TLN2: variants seen among roughly 807,000 people sequenced by gnomAD.
TLN2 encodes talin 2, also known as talin-2.
A neutral mutation model predicts 294.7 loss-of-function variants in TLN2; 118 were observed. That is an observed-to-expected ratio of 0.40 (90% CI 0.34 to 0.47). The LOEUF (loss-of-function observed/expected upper bound fraction) is 0.47, where lower values mean the gene tolerates loss of function less well. Ranked by LOEUF, TLN2 falls within the 20% of genes least tolerant of loss-of-function variation. TLN2 has a pLI of 0.84. For missense variants in TLN2, 3,083 were observed against 3,282.2 expected (o/e 0.94, Z 1.48); for synonymous variants, 1,431 against 1,304.5 (o/e 1.10, Z -2.09).
chr15:62,499,604 C>G (rs1404172433), intron 1 of TLN2, among the ~76,000 whole-genome samples: 3 of 152,064 alleles, frequency 2.0e-5, no homozygotes, highest in Non-Finnish European at 4.4e-5. Flanking sequence ...AGCAAGGTTT[C>G]TCTTCTTTGT....
At chr15:62,705,018 C>T (rs2058967044) in intron 19 of TLN2, among the ~76,000 whole-genome samples, 1 of 152,216 alleles carries the variant, frequency 6.6e-6, no homozygotes, top group Admixed American at 6.5e-5. Context: ...ACAATTCTTC[C>T]TTTAAACATC....
At chr15:62,691,931 C>A (rs2057952286) in intron 12 of TLN2, among the ~76,000 whole-genome samples, 1 of 152,198 alleles carries the variant, frequency 6.6e-6, no homozygotes. Flanking sequence ...GCCTCAACCT[C>A]CCAAAGTGGT....
At chr15:62,744,268 G>A (rs1440246540) in intron 32 of TLN2, among the ~76,000 whole-genome samples, 2 of 152,166 alleles carry the variant, frequency 1.3e-5, no homozygotes, top group East Asian at 3.9e-4. Flanking sequence ...ATGCCCTGCC[G>A]GGTGTCCCGC....
At chr15:62,474,869 T>C (rs2037697640) in intron 1 of TLN2, among the ~76,000 whole-genome samples, 1 of 152,020 alleles carries the variant, frequency 6.6e-6, no homozygotes, top group African/African-American at 2.4e-5. Context: ...TTGACTGTTC[T>C]CTGAAATCTG....
intron 21 of TLN2, among the ~76,000 whole-genome samples, chr15:62,709,209 CG>C (rs1450939925): frequency 6.6e-6 from 1 of 152,108 alleles, no homozygotes; most frequent in Non-Finnish European, 1.5e-5. Context: ...GGGAGAGCAC[CG>C]GGGTGGTCAG....
At chr15:62,675,383 C>A in intron 11 of TLN2, 62 bp downstream of exon 11, 9 of 1,553,372 alleles carry the variant, frequency 5.8e-6, no homozygotes, top group Non-Finnish European at 8.0e-6. Flanking sequence ...TTTGTTCAAG[C>A]GTTTGCTGTT....
At chr15:62,452,706 GTTCACA>G (rs1432504688) in intron 1 of TLN2, among the ~76,000 whole-genome samples, 4 of 152,170 alleles carry the variant, frequency 2.6e-5, no homozygotes, top group Non-Finnish European at 4.4e-5. Flanking sequence ...TGTTTTCTAA[GTTCACA>G]TTTTTCTGTG....
At position 62,518,571 on chromosome 15, in the gene TLN2, G is replaced by A. The variant is rs1010977010; in HGVS notation, c.-237-71116G>A. Among the ~76,000 whole-genome samples, 8 of 146,412 alleles carry A rather than the reference G, an allele frequency of 5.5e-5. No homozygotes were observed. In the South Asian group the frequency reaches 6.3e-4, roughly 11 times the overall value. On this transcript the variant is annotated intron_variant, in intron 1 of 58. Transcript: ENST00000636159. Reference sequence around the variant, plus strand: ...CTAGAACATGCAAAATATGGTGAACGGTGGAGAGCCGTGACCTGCAATGTT... The same window carrying A: ...CTAGAACATGCAAAATATGGTGAACAGTGGAGAGCCGTGACCTGCAATGTT...
chr15:62,570,570 T>G (rs868657694), intron 1 of TLN2, among the ~76,000 whole-genome samples: 13 of 152,348 alleles, frequency 8.5e-5, no homozygotes, highest in South Asian at 2.1e-4. Flanking sequence ...CTCCCCTCTC[T>G]GAACAAGTCT....
chr15:62,799,533 G>A (rs922407871), intron 48 of TLN2, among the ~76,000 whole-genome samples: 2 of 152,190 alleles, frequency 1.3e-5, no homozygotes, highest in Non-Finnish European at 2.9e-5. Context: ...GTTTATGTGG[G>A]AACGTACCTG....
chr15:62,651,396 T>A (rs536298552), intron 5 of TLN2, among the ~76,000 whole-genome samples: 1 of 150,884 alleles, frequency 6.6e-6, no homozygotes, highest in African/African-American at 2.5e-5. Context: ...AGATATAGAA[T>A]GTTCAGTACA....
At chr15:62,765,658 C>G (rs1386864164) in intron 40 of TLN2, among the ~76,000 whole-genome samples, 1 of 152,210 alleles carries the variant, frequency 6.6e-6, no homozygotes, top group East Asian at 1.9e-4. Flanking sequence ...CCCCCACACT[C>G]TCAGAATCAT....
At chr15:62,718,939 C>G (rs915901310) in intron 24 of TLN2, among the ~76,000 whole-genome samples, 1 of 152,094 alleles carries the variant, frequency 6.6e-6, no homozygotes, top group African/African-American at 2.4e-5. Context: ...ACTGGCAGTC[C>G]TAAAGGGGGC....
chr15:62,715,522 T>C (rs934338063), intron 22 of TLN2, among the ~76,000 whole-genome samples: 27 of 152,340 alleles, frequency 1.8e-4, no homozygotes, highest in African/African-American at 6.5e-4. Context: ...ATCCTTTCTC[T>C]ACATTACCAT....
chr15:62,652,275 T>C (rs889296803), intron 6 of TLN2, 141 bp downstream of exon 6: 1 of 895,676 alleles, frequency 1.1e-6, no homozygotes, highest in Admixed American at 3.7e-5. Context: ...CCAGAGGGTG[T>C]GTCCATTCTC....
chr15:62,427,281 T>A (rs998909130), intron 1 of TLN2, among the ~76,000 whole-genome samples: 1 of 152,194 alleles, frequency 6.6e-6, no homozygotes. Context: ...TCCTGGGAAC[T>A]GTGGGAGTAG....
chr15:62,406,685 A>G (rs1378271064), intron 1 of TLN2, among the ~76,000 whole-genome samples: 1 of 152,186 alleles, frequency 6.6e-6, no homozygotes, highest in Non-Finnish European at 1.5e-5. Flanking sequence ...GTAAATTGAC[A>G]TGGCATATTA....
intron 1 of TLN2, among the ~76,000 whole-genome samples, chr15:62,541,448 C>T (rs2041679309): frequency 6.6e-6 from 1 of 152,182 alleles, no homozygotes; most frequent in South Asian, 2.1e-4. Flanking sequence ...TTTAGCTTTT[C>T]TGGTTTTGAC....
At chr15:62,664,788 G>T (rs1276858348) in intron 9 of TLN2, among the ~76,000 whole-genome samples, 2 of 137,552 alleles carry the variant, frequency 1.5e-5, no homozygotes, top group Non-Finnish European at 3.1e-5. Flanking sequence ...AACCTGGGAG[G>T]CGGAGGTTGC....
Sources: allele counts gnomAD v4.1 joint callset (sites outside exome capture counted in the v4.1 genomes callset), GRCh38; gene constraint gnomAD v4.1.1; transcripts MANE v1.5; gene names NCBI Gene and HGNC (gene_info 2026-07-23, HGNC 2026-07-21).